Variants in SYT7 observed in about 807,000 individuals in gnomAD.
The protein encoded by SYT7 is synaptotagmin 7.
In SYT7, 29 loss-of-function variants were observed where a neutral mutation model predicts 75.1. The ratio of observed to expected loss-of-function variants is 0.39; its 90% CI spans 0.29 to 0.53. The LOEUF is 0.53. Among genes scored for constraint, SYT7 ranks in the 20% least tolerant of loss-of-function variants. SYT7 has a pLI of 0.77. For missense variants in SYT7, 693 were observed against 953.2 expected (o/e 0.73, Z 3.59); for synonymous variants, 376 against 401.7 (o/e 0.94, Z 0.76).
chr11:61,531,022 C>A, intron 8 of SYT7: 1 of 985,458 alleles, frequency 1.0e-6, no homozygotes, highest in Non-Finnish European at 1.2e-6. Flanking sequence ...ACCTCTGCCC[C>A]TCAGCTCCTT....
At chr11:61,555,973 A>C in intron 2 of SYT7, 131 bp downstream of exon 2, 1 of 751,854 alleles carries the variant, frequency 1.3e-6, no homozygotes, top group Non-Finnish European at 2.2e-6. Context: ...GCCCCTGACT[A>C]TGCGGACAGG....
intron 6 of SYT7, chr11:61,541,379 G>T (rs375801991): frequency 2.2e-6 from 2 of 889,668 alleles, no homozygotes; most frequent in Non-Finnish European, 2.7e-6. Context: ...CTCTGAGAGT[G>T]GGGGGCAGAT....
Position 61,515,048 on chromosome 11 carries a change from T to C in SYT7, c.*3579A>G, listed in dbSNP as rs1328732335. On this transcript the variant is annotated 3_prime_UTR_variant, in exon 13 of 13. Coordinates refer to ENST00000539008, the MANE Select transcript of SYT7 (RefSeq NM_001365809.2). ...CACCCCTGAGGCCTAGAGAGGACTC[T>C]ACTCCCAAAAAGCCTTGTGTCAGGC... Among the ~76,000 whole-genome samples, 1 of 152,220 alleles carries C rather than the reference T, an allele frequency of 6.6e-6. No homozygotes were observed.
At chr11:61,568,822 G>T (rs1226178628) in intron 1 of SYT7, among the ~76,000 whole-genome samples, 1 of 152,250 alleles carries the variant, frequency 6.6e-6, no homozygotes, top group East Asian at 1.9e-4. Flanking sequence ...CAGAGCCACT[G>T]TCTGAATTGA....
rs915874178 is a variant in SYT7 at position 61,546,988 on chromosome 11, T to G, written c.347+189A>C. 6.6e-6 allele frequency among the ~76,000 whole-genome samples: 1 copy of G among 150,758 alleles called. No individual in the cohort carries two copies. Among genetic ancestry groups the G allele is most frequent in the African/African-American group, 2.4e-5 (1 of 40,892 alleles). On this transcript the variant is annotated intron_variant, in intron 4 of 12. Transcript: ENST00000539008. The surrounding 1 kb of genome is among the most constrained non-coding windows in gnomAD (Gnocchi z 7.6). The stretch of plus-strand genomic sequence containing the variant: ...GGACGGGAGCGGGCAGGCAGGTGGG[T>G]TGGGGCAGGTGGGGTTGCTCGTCTC...
chr11:61,571,753 C>G (rs879623198), intron 1 of SYT7, among the ~76,000 whole-genome samples: 24 of 152,286 alleles, frequency 1.6e-4, no homozygotes, highest in Admixed American at 3.3e-4. Flanking sequence ...CTCCAGGGGG[C>G]CTGGGGTCCA....
rs1801253297 is a variant in SYT7 at position 61,580,518 on chromosome 11, T to C, written c.31+272A>G. Among the ~76,000 whole-genome samples, 1 of 152,076 alleles carries C rather than the reference T, an allele frequency of 6.6e-6. No individual in the cohort carries two copies. On this transcript the variant is annotated intron_variant, in intron 1 of 12. Transcript: ENST00000539008. The surrounding 1 kb of genome is among the most constrained non-coding windows in gnomAD (Gnocchi z 6.1). The stretch of plus-strand genomic sequence containing the variant: ...CCTCGCTCCGCCACACACGTTGTCC[T>C]TGGGCTGTTGAGGGGTGGGGGAGAG...
chr11:61,574,339 A>C (rs1430560441), intron 1 of SYT7, among the ~76,000 whole-genome samples: 7 of 152,232 alleles, frequency 4.6e-5, no homozygotes, highest in African/African-American at 2.4e-5. Flanking sequence ...GAGACAGAGC[A>C]GCAAGTGTCT....
intron 5 of SYT7, among the ~76,000 whole-genome samples, chr11:61,543,501 C>T (rs1274972026): frequency 1.3e-5 from 2 of 152,180 alleles, no homozygotes; most frequent in African/African-American, 4.8e-5. Context: ...TGCAGTATAG[C>T]CTCAGAGAGA....
At position 61,546,380 on chromosome 11, in the gene SYT7, A is replaced by G; in HGVS notation, c.348-125T>C. The G allele has an allele frequency of 3.3e-6, 2 of 613,206 alleles. No individual in the cohort carries two copies. Among genetic ancestry groups the G allele is most frequent in the South Asian group, 4.1e-5 (2 of 48,952 alleles). The allele number at this position is 613,206 out of a possible 1,614,324, so 38.0% of individuals were successfully genotyped here. A position where few individuals can be genotyped will look rare whatever the true frequency, so the allele number is the denominator to read the frequency against. ...AGAAAAACAATAACAGATAAAAGGA[A>G]GAAAGAGACAGTGAGAGAGGAGGAG... On this transcript the variant is annotated intron_variant, in intron 4 of 12. Transcript: ENST00000539008. The surrounding 1 kb of genome is among the most constrained non-coding windows in gnomAD (Gnocchi z 7.6).
chr11:61,540,695 G>T, intron 6 of SYT7: 1 of 985,496 alleles, frequency 1.0e-6, no homozygotes, highest in Non-Finnish European at 1.2e-6. Context: ...CAGTTTAATG[G>T]CTGCTGGAAC....
Position 61,551,400 on chromosome 11 carries a change from C to T in SYT7, c.199G>A (p.Glu67Lys). 1.2e-6 allele frequency: 2 copies of T among 1,613,904 alleles called. No individual in the cohort carries two copies. Among genetic ancestry groups the T allele is most frequent in the Non-Finnish European group, 8.5e-7 (1 of 1,179,958 alleles). Residue 67 changes from glutamate to lysine, a missense_variant, in exon 3 of 13, where the codon GAG (glutamate) becomes AAG (lysine). Coordinates refer to ENST00000539008, the MANE Select transcript of SYT7 (RefSeq NM_001365809.2). The surrounding 1 kb of genome is among the most constrained non-coding windows in gnomAD (Gnocchi z 5.3). ...GGCACCTACTTGATAGCCTTCTTCT[C>T]ACTGCGCCCACGCCCTGAGTCTGGC... ...GTPDSGRGRS[E>K]KKAINDLDRD...
At chr11:61,559,564 C>T (rs918297706) in intron 1 of SYT7, among the ~76,000 whole-genome samples, 1 of 152,076 alleles carries the variant, frequency 6.6e-6, no homozygotes, top group African/African-American at 2.4e-5. Flanking sequence ...CTGGTAGCTA[C>T]AGTAGGAAGC....
rs1590888326 is a variant in SYT7, at chr11:61,546,115, T to G, written c.488A>C (p.Glu163Ala). ...CCCCGCCTTGCCACCGCTGCCCGGC[T>G]CGCTGGGGGCAGCCCCGCCGCTTCT... ...ALRSGGAAPS[E>A]PGSGGKAGRG... is the part of the protein sequence containing the mutation. Residue 163 changes from glutamate (E) to alanine (A), a missense_variant, in exon 5 of 13, where the codon GAG becomes GCG. By Grantham distance (107) the Glu-to-Ala change is moderately radical. Around this residue, in one of 2 missense-constraint regions of SYT7, gnomAD observed 487 missense variants for 593.2 expected, o/e 0.82. Coordinates refer to ENST00000539008, the MANE Select transcript of SYT7 (RefSeq NM_001365809.2). The surrounding 1 kb of genome is among the most constrained non-coding windows in gnomAD (Gnocchi z 7.6). 9.2e-6 allele frequency: 14 copies of G among 1,529,874 alleles called. No homozygotes were observed. Among genetic ancestry groups the G allele is most frequent in the Non-Finnish European group, 1.2e-5 (14 of 1,144,410 alleles). The allele number at this position is 1,529,874 out of a possible 1,614,324, so 94.8% of individuals were successfully genotyped here.
In SYT7 at chr11:61,580,863, C is replaced by A. The variant is rs1246242273; in HGVS notation, c.-43G>T. On this transcript the variant is annotated 5_prime_UTR_variant, in exon 1 of 13. Coordinates refer to ENST00000539008, the MANE Select transcript of SYT7 (RefSeq NM_001365809.2). The surrounding 1 kb of genome is among the most constrained non-coding windows in gnomAD (Gnocchi z 6.1). ...TTCCCTCCGGGCTCCTCAGAGCCGC[C>A]CGCGGCCGCGCGCTGCTCCGCCGCC... is the stretch of plus-strand genomic sequence containing the variant. 127 of 1,184,214 alleles carry A rather than the reference C, an allele frequency of 1.1e-4. 2 individuals are homozygous for A. The highest frequency in any genetic ancestry group is 5.2e-6 in the Non-Finnish European group (5 of 958,304). 73.4% of individuals were successfully genotyped at this position (1,184,214 alleles called of 1,614,324 possible).
rs370773931 is a variant in SYT7 at position 61,523,952 on chromosome 11, C to G, written c.1642-11G>C. On this transcript the variant is annotated splice_polypyrimidine_tract_variant and intron_variant, in intron 10 of 12. Transcript: ENST00000539008. The surrounding 1 kb of genome is among the most constrained non-coding windows in gnomAD (Gnocchi z 5.0). ...CTCCCCTCGGCTCCCCTGGGAGGCA[C>G]GACAGGAGGGGTGTGGGGAACTAGG... 11 of 1,612,438 alleles carry G rather than the reference C, an allele frequency of 6.8e-6. No homozygotes were observed. The highest frequency in any genetic ancestry group is 8.5e-6 in the Non-Finnish European group (10 of 1,178,742).
chr11:61,556,570 C>T (rs113511282), intron 1 of SYT7, among the ~76,000 whole-genome samples: 13,398 of 152,218 alleles, frequency 0.088, 1,444 homozygotes, highest in African/African-American at 0.26. Context: ...CCATCAAATC[C>T]CTCCACAGGC....
rs1435562989 is a variant in SYT7, at chr11:61,523,361, G to C, written c.1757-87C>G. On this transcript the variant is annotated intron_variant, in intron 11 of 12. Transcript: ENST00000539008. The surrounding 1 kb of genome is among the most constrained non-coding windows in gnomAD (Gnocchi z 5.0). ...TTCCCCTTCCAGGAATGGAAGCTGA[G>C]GCAGGAGGGCCGTGTGCTTTCCCCA... 3.0e-6 allele frequency: 4 copies of C among 1,321,432 alleles called. No individual in the cohort carries two copies. The highest frequency in any genetic ancestry group is 4.3e-6 in the Non-Finnish European group (4 of 923,666). 81.9% of individuals were successfully genotyped at this position (1,321,432 alleles called of 1,614,324 possible).
intron 1 of SYT7, among the ~76,000 whole-genome samples, chr11:61,567,293 A>G (rs917616663): frequency 6.6e-6 from 1 of 152,122 alleles, no homozygotes; most frequent in Non-Finnish European, 1.5e-5. Flanking sequence ...TATCATATTC[A>G]GGGGTATCAT....
Sources: allele counts gnomAD v4.1 joint callset (sites outside exome capture counted in the v4.1 genomes callset), GRCh38; gene constraint gnomAD v4.1.1; regional missense constraint gnomAD v4.1.1; non-coding constraint Gnocchi (gnomAD v3.1); transcripts MANE v1.5; gene names NCBI Gene and HGNC (gene_info 2026-07-23, HGNC 2026-07-21).